Variants in ADCY4 observed in about 807,000 individuals in gnomAD.
The protein encoded by ADCY4 is adenylate cyclase type 4.
In ADCY4, 111 loss-of-function variants were observed where a neutral mutation model predicts 125.5. The ratio of observed to expected loss-of-function variants is 0.88; its 90% confidence interval spans 0.76 to 1.04. ADCY4 has a LOEUF of 1.04. Among genes scored for constraint, ADCY4 ranks in the 50% least tolerant of loss-of-function variants. The pLI, the probability that ADCY4 is intolerant of heterozygous loss-of-function variation, is 0.00. For missense variants in ADCY4, 1,256 were observed against 1,382.9 expected (o/e 0.91, Z 1.46); for synonymous variants, 576 against 586.9 (o/e 0.98, Z 0.27).
In ADCY4 at chr14:24,329,980, C is replaced by A; in HGVS notation, c.1097G>T (p.Arg366Leu). The A allele has an allele frequency of 6.2e-7, 1 of 1,614,110 alleles. No homozygotes were observed. The highest frequency in any genetic ancestry group is 8.5e-7 in the Non-Finnish European group (1 of 1,179,986). The part of the protein sequence containing the change: ...RAATGVDINM[R>L]VGVHSGSVLC... The stretch of plus-strand genomic sequence containing the variant: ...TACGCTGCCTGAGTGCACGCCCACA[C>A]GCATGTTGATGTCCACGCCAGTGGC... The change falls in exon 8 of 25, where the codon CGT (arginine) becomes CTT (leucine). Residue 366 changes from arginine to leucine, a missense_variant. Arg to Leu is a moderately radical substitution (Grantham distance 102, BLOSUM62 -2). Coordinates refer to ENST00000418030, the MANE Select transcript of ADCY4 (RefSeq NM_001198568.2).
chr14:24,330,401 C>A, intron 6 of ADCY4, 106 bp from the exon 7 acceptor site: 1 of 1,513,982 alleles, frequency 6.6e-7, no homozygotes, highest in Non-Finnish European at 9.1e-7. Context: ...GAAGAACTTC[C>A]AAGGTGGGGT....
intron 3 of ADCY4, 151 bp downstream of exon 3, chr14:24,332,371 T>G: frequency 1.2e-6 from 1 of 864,402 alleles, no homozygotes; most frequent in Non-Finnish European, 1.7e-6. Context: ...TGCATCACAC[T>G]GTTGTACCAG....
intron 16 of ADCY4, 194 bp from the exon 17 acceptor site, chr14:24,323,648 A>C (rs1004701021): frequency 7.1e-7 from 1 of 1,415,692 alleles, no homozygotes; most frequent in Non-Finnish European, 9.2e-7. Context: ...AGGGGCGTCA[A>C]GAGTACTCCT....
chr14:24,321,092 C>CTTT (rs113506596), intron 20 of ADCY4, among the ~76,000 whole-genome samples: 1 of 120,246 alleles, frequency 8.3e-6, no homozygotes, highest in African/African-American at 3.1e-5. Context: ...AATTGCATTT[C>CTTT]TTTTTTTTTT....
chr14:24,333,055 C>CCGG, intron 1 of ADCY4, 67 bp from the exon 2 acceptor site: 1 of 1,451,274 alleles, frequency 6.9e-7, no homozygotes, highest in Non-Finnish European at 9.1e-7. Flanking sequence ...AAAGGAAAAG[C>CCGG]CAGCAGCCCA....
chr14:24,325,310 C>T (rs1050831963), intron 14 of ADCY4, 67 bp downstream of exon 14: 56 of 1,365,362 alleles, frequency 4.1e-5, no homozygotes, highest in Admixed American at 5.1e-5. Context: ...AAGTGTGGCC[C>T]GGGGTCATGA....
In ADCY4 at chr14:24,319,804, T is replaced by C; in HGVS notation, c.2671A>G (p.Ile891Val). Residue 891 changes from isoleucine (I) to valine (V), a missense_variant, in exon 21 of 25, where the codon ATC becomes GTC. Ile to Val is a conservative substitution (Grantham distance 29, BLOSUM62 3). Transcript: ENST00000418030. This position sits in a 1 kb window ranked among gnomAD's most constrained non-coding sequence, Gnocchi z 4.5. The stretch of plus-strand genomic sequence containing the variant: ...AGACACTCTAGGCCCTCATGATTGA[T>C]GTTGGATTCAGAGTAGAACTCCTTG... ...DFKEFYSESNINHEGLECLRL... is the reference protein window; with the variant it reads ...DFKEFYSESNVNHEGLECLRL... 1 of 1,614,134 alleles carries C rather than the reference T, an allele frequency of 6.2e-7. No homozygotes were observed. The highest frequency in any genetic ancestry group is 8.5e-7 in the Non-Finnish European group (1 of 1,180,024).
Position 24,322,081 on chromosome 14 carries a change from C to T in ADCY4, c.2571G>A (p.Gln857=). Residue 857 remains glutamine (Q), a synonymous_variant, in exon 20 of 25, where the codon CAG becomes CAA. Transcript: ENST00000418030. ...PAHVAPQFIG[Q]NRRNEDLYHQ... is the part of the protein sequence containing the mutation. ...CAGGAGTCACCTCGTTGCGCCGGTT[C>T]TGGCCAATGAACTGGGGGGCCACGT... 6.2e-7 allele frequency: 1 copy of T among 1,613,408 alleles called. No homozygotes were observed. The highest frequency in any genetic ancestry group is 8.5e-7 in the Non-Finnish European group (1 of 1,179,406).
intron 20 of ADCY4, 76 bp downstream of exon 20, chr14:24,321,990 G>T: frequency 1.3e-6 from 2 of 1,505,306 alleles, no homozygotes; most frequent in Non-Finnish European, 1.8e-6. Context: ...GAGAAAACGG[G>T]CCATAGGTCA....
intron 1 of ADCY4, among the ~76,000 whole-genome samples, chr14:24,333,461 CTCA>C (rs1405829716): frequency 1.3e-5 from 2 of 151,952 alleles, no homozygotes; most frequent in Non-Finnish European, 2.9e-5. Context: ...AGCTCCTGGG[CTCA>C]AACGATCTCC....
chr14:24,319,241 G>C lies in ADCY4; in HGVS notation c.2842-29C>G. ...GCAATGGGCCCGCCCACCAGGGTGG[G>C]CCAGTGAGGGCACAGGAATAAGTCC... On this transcript the variant is annotated intron_variant, in intron 22 of 24. Transcript: ENST00000418030. The surrounding 1 kb of genome is among the most constrained non-coding windows in gnomAD (Gnocchi z 4.5). 1 of 1,613,482 alleles carries C rather than the reference G, an allele frequency of 6.2e-7. No individual in the cohort carries two copies. Among genetic ancestry groups the C allele is most frequent in the Non-Finnish European group, 8.5e-7 (1 of 1,179,406 alleles).
Position 24,323,644 on chromosome 14 carries a change from G to A in ADCY4, c.2047-190C>T, listed in dbSNP as rs561012845. On this transcript the variant is annotated intron_variant, in intron 16 of 24. Coordinates refer to ENST00000418030, the MANE Select transcript of ADCY4 (RefSeq NM_001198568.2). ...CTCGGGGAGGAGTTATGTGAGGGGC[G>A]TCAAGAGTACTCCTCTGACTCTGAG... 31 of 1,416,328 alleles carry A rather than the reference G, an allele frequency of 2.2e-5. No individual in the cohort carries two copies. The Middle Eastern group carries it at 7.9e-4, about 36-fold the overall frequency. The allele number at this position is 1,416,328 out of a possible 1,614,324, so 87.7% of individuals were successfully genotyped here.
Position 24,318,546 on chromosome 14 carries a change from G to T in ADCY4, c.3104C>A (p.Ala1035Asp), listed in dbSNP as rs367908046. The T allele has an allele frequency of 6.2e-7, 1 of 1,614,076 alleles. No individual in the cohort carries two copies. Among genetic ancestry groups the T allele is most frequent in the South Asian group, 1.1e-5 (1 of 91,092 alleles). Residue 1035 changes from alanine to aspartate, a missense_variant, in exon 25 of 25, where the codon GCC (alanine) becomes GAC (aspartate). Coordinates refer to ENST00000418030, the MANE Select transcript of ADCY4 (RefSeq NM_001198568.2). ...KIQVTEETAW[A>D]LQSLGYTCYS... ...GCAGGTGTAGCCCAGGGACTGTAGG[G>T]CCCATGCTGTCTCCTCAGTCACCTA...
chr14:24,322,459 G>A, intron 19 of ADCY4, 165 bp downstream of exon 19: 3 of 873,086 alleles, frequency 3.4e-6, no homozygotes, highest in Non-Finnish European at 5.2e-6. Flanking sequence ...CCAGATAGGG[G>A]TGTGGGAGAA....
Position 24,332,588 on chromosome 14 carries a change from C to T in ADCY4, c.453G>A (p.Ser151=), listed in dbSNP as rs749578748. The change falls in exon 3 of 25, where the codon TCG becomes TCA. Residue 151 remains serine, a synonymous_variant. Transcript: ENST00000418030. ...AAVAGLASSL[S]HLLVLGLYLG... is the part of the protein sequence containing the mutation. ...GATACAGCCCGAGGACCAGCAGATGCGAGAGTGAGGAGGCGAGGCCCGCGA... is the reference window on the plus strand; with the variant it reads ...GATACAGCCCGAGGACCAGCAGATGTGAGAGTGAGGAGGCGAGGCCCGCGA... 1.9e-6 allele frequency: 3 copies of T among 1,578,962 alleles called. No homozygotes were observed. Among genetic ancestry groups the T allele is most frequent in the East Asian group, 2.3e-5 (1 of 43,390 alleles).
Position 24,319,542 on chromosome 14 carries a change from G to A in ADCY4, c.2734-106C>T. The A allele has an allele frequency of 7.7e-7, 1 of 1,300,054 alleles. No individual in the cohort carries two copies. The highest frequency in any genetic ancestry group is 1.1e-6 in the Non-Finnish European group (1 of 916,580). The allele number at this position is 1,300,054 out of a possible 1,614,324, so 80.5% of individuals were successfully genotyped here. A position where few individuals can be genotyped will look rare whatever the true frequency, so the allele number is the denominator to read the frequency against. On this transcript the variant is annotated intron_variant, in intron 21 of 24. Transcript: ENST00000418030. The surrounding 1 kb of genome is among the most constrained non-coding windows in gnomAD (Gnocchi z 4.5). ...GGAGTTAAAGGATCAGGCTGTGGGA[G>A]TGGAGATAGTGTCAGGAAGGAGAGG... is the stretch of plus-strand genomic sequence containing the variant.
At chr14:24,328,934 C>T (rs372990301) in intron 10 of ADCY4, 127 bp downstream of exon 10, 2 of 1,251,350 alleles carry the variant, frequency 1.6e-6, no homozygotes, top group African/African-American at 3.0e-5. Flanking sequence ...CAGTTCGGGA[C>T]TTTGGGATGT....
chr14:24,334,416 G>A (rs1187721107), intron 1 of ADCY4, 78 bp downstream of exon 1: 3 of 1,460,530 alleles, frequency 2.1e-6, no homozygotes, highest in African/African-American at 1.4e-5. Context: ...AAAACACATC[G>A]AAAAGAAGAC....
intron 6 of ADCY4, 109 bp downstream of exon 6, chr14:24,330,909 T>C: frequency 3.3e-6 from 3 of 920,874 alleles, no homozygotes; most frequent in Non-Finnish European, 4.9e-6. Context: ...GGGGCCTGCA[T>C]GCACTGAAGT....
Sources: allele counts gnomAD v4.1 joint callset (sites outside exome capture counted in the v4.1 genomes callset), GRCh38; gene constraint gnomAD v4.1.1; non-coding constraint Gnocchi (gnomAD v3.1); transcripts MANE v1.5; gene names NCBI Gene and HGNC (gene_info 2026-07-23, HGNC 2026-07-21).